The following ANO10 variants were observed in gnomAD, a reference collection of about 807,000 sequenced individuals.
ANO10 encodes anoctamin 10.
ANO10 carries 77 observed loss-of-function variants against 74.7 expected under a neutral mutation model. The observed-to-expected ratio is 1.03, with a 90% CI of 0.86 to 1.25. The LOEUF is 1.25. Ranked by LOEUF, ANO10 falls within the 50% of genes most tolerant of loss-of-function variation. ANO10 has a pLI of 0.00. For synonymous variants in ANO10, 279 were observed against 284.9 expected, an observed-to-expected ratio of 0.98 and a Z score of 0.21; for missense variants, 721 against 778.1, an observed-to-expected ratio of 0.93 and a Z score of 0.87.
At chr3:43,608,902 A>C (rs1389060196) in intron 1 of ANO10, among the ~76,000 whole-genome samples, 1 of 152,150 alleles carries the variant, frequency 6.6e-6, no homozygotes, top group African/African-American at 2.4e-5. Context: ...ACAGAAGGAA[A>C]TGATTGCAAA....
At chr3:43,552,131 G>A (rs1014833218) in intron 10 of ANO10, among the ~76,000 whole-genome samples, 9 of 152,016 alleles carry the variant, frequency 5.9e-5, no homozygotes, top group East Asian at 1.9e-4. Flanking sequence ...TTATATATCC[G>A]TAACTTATCA....
At chr3:43,501,051 G>A (rs937144150) in intron 11 of ANO10, among the ~76,000 whole-genome samples, 3 of 152,160 alleles carry the variant, frequency 2.0e-5, no homozygotes, top group Admixed American at 2.0e-4. Flanking sequence ...CATTAGTATA[G>A]CTATGAAGAA....
At chr3:43,391,186 C>T (rs2092265638) in intron 12 of ANO10, among the ~76,000 whole-genome samples, 1 of 152,042 alleles carries the variant, frequency 6.6e-6, no homozygotes, top group East Asian at 1.9e-4. Context: ...GAGAATGTTC[C>T]CTAAATGATT....
chr3:43,572,468 A>G (rs374174238), intron 7 of ANO10, among the ~76,000 whole-genome samples: 54 of 152,308 alleles, frequency 3.5e-4, no homozygotes, highest in African/African-American at 1.2e-3. Flanking sequence ...CTTCATGCCT[A>G]TGTACCTGAG....
At chr3:43,367,356 T>C (rs2091449440) in intron 12 of ANO10, among the ~76,000 whole-genome samples, 1 of 152,206 alleles carries the variant, frequency 6.6e-6, no homozygotes, top group East Asian at 1.9e-4. Flanking sequence ...CCTGGCAGTT[T>C]GACCTCACTG....
intron 4 of ANO10, among the ~76,000 whole-genome samples, chr3:43,592,650 C>G (rs992369223): frequency 6.6e-6 from 1 of 152,172 alleles, no homozygotes; most frequent in Admixed American, 6.5e-5. Context: ...TGGAGAGAAA[C>G]CAGAGCAGAA....
chr3:43,555,049 G>C (rs550936525), intron 10 of ANO10, among the ~76,000 whole-genome samples: 1 of 152,056 alleles, frequency 6.6e-6, no homozygotes, highest in Admixed American at 6.6e-5. Context: ...ATCTAAAAGG[G>C]GTCTTAGAAA....
chr3:43,644,038 T>C (rs539924966), intron 1 of ANO10, among the ~76,000 whole-genome samples: 1 of 152,246 alleles, frequency 6.6e-6, no homozygotes, highest in African/African-American at 2.4e-5. Flanking sequence ...GCTTCTTGTA[T>C]TTTGTTTGTT....
intron 1 of ANO10, among the ~76,000 whole-genome samples, chr3:43,630,788 G>GT (rs1335392143): frequency 6.6e-6 from 1 of 152,170 alleles, no homozygotes; most frequent in African/African-American, 2.4e-5. Flanking sequence ...TTTGCACATT[G>GT]TTTTTGTTCC....
intron 1 of ANO10, among the ~76,000 whole-genome samples, chr3:43,685,762 T>C (rs1030422588): frequency 2.0e-5 from 3 of 152,262 alleles, no homozygotes; most frequent in Non-Finnish European, 4.4e-5. Flanking sequence ...CAGCTGTTTA[T>C]GGCTTGAGGG....
intron 11 of ANO10, among the ~76,000 whole-genome samples, chr3:43,477,816 C>A (rs899956016): frequency 3.3e-5 from 5 of 152,090 alleles, no homozygotes; most frequent in Non-Finnish European, 7.3e-5. Flanking sequence ...GCCTGTTGCT[C>A]ATTACGGGCA....
At chr3:43,573,449 T>C (rs927980239) in intron 7 of ANO10, among the ~76,000 whole-genome samples, 9 of 152,190 alleles carry the variant, frequency 5.9e-5, no homozygotes, top group Admixed American at 5.2e-4. Flanking sequence ...AAAAACCAGA[T>C]AGATAAACTT....
chr3:43,538,976 A>T (rs2078838532), intron 11 of ANO10, among the ~76,000 whole-genome samples: 1 of 152,220 alleles, frequency 6.6e-6, no homozygotes, highest in Admixed American at 6.5e-5. Context: ...TGCAGTCATG[A>T]CTTTGAAAGT....
At chr3:43,574,756 T>G (rs1039787059) in intron 7 of ANO10, 53 bp downstream of exon 7, 2 of 1,299,136 alleles carry the variant, frequency 1.5e-6, no homozygotes, top group African/African-American at 2.9e-5. Flanking sequence ...CTATATATTA[T>G]GTAGTATATA....
intron 10 of ANO10, among the ~76,000 whole-genome samples, chr3:43,553,545 T>G (rs1020439478): frequency 6.6e-6 from 1 of 151,736 alleles, no homozygotes; most frequent in African/African-American, 2.4e-5. Context: ...CTCTCTTTTT[T>G]TTTTTTTTTG....
chr3:43,678,297 T>C (rs72622911), intron 1 of ANO10, among the ~76,000 whole-genome samples: 16,146 of 152,238 alleles, frequency 0.11, 1,219 homozygotes, highest in South Asian at 0.23. Context: ...ATTGCTTTCA[T>C]ATCATTGCAA....
intron 11 of ANO10, among the ~76,000 whole-genome samples, chr3:43,459,986 G>A (rs2075308564): frequency 6.6e-6 from 1 of 152,200 alleles, no homozygotes; most frequent in Non-Finnish European, 1.5e-5. Context: ...CTATGCATTG[G>A]TTTAGATGGG....
intron 11 of ANO10, among the ~76,000 whole-genome samples, chr3:43,498,992 C>T (rs1396159565): frequency 1.3e-5 from 2 of 152,142 alleles, no homozygotes; most frequent in Non-Finnish European, 2.9e-5. Context: ...GACCCGACTA[C>T]CTGAGGTGGT....
At chr3:43,466,470 T>A (rs914564432) in intron 11 of ANO10, among the ~76,000 whole-genome samples, 1 of 148,890 alleles carries the variant, frequency 6.7e-6, no homozygotes, top group East Asian at 2.0e-4. Context: ...GAGACACACA[T>A]ATATGGCAAG....
Sources: gnomAD v4.1 joint callset for allele counts (sites outside exome capture counted in the v4.1 genomes callset) on GRCh38, gnomAD v4.1.1 for gene constraint, MANE v1.5 for transcripts, NCBI Gene and HGNC (gene_info 2026-07-23, HGNC 2026-07-21) for gene names.